The following PTPRK variants were observed in gnomAD, a reference collection of about 807,000 sequenced individuals.
PTPRK encodes protein tyrosine phosphatase receptor type K.
A neutral mutation model predicts 178.0 loss-of-function variants in PTPRK; 75 were observed. That is an observed-to-expected ratio of 0.42 (90% CI 0.35 to 0.51). The LOEUF (loss-of-function observed/expected upper bound fraction) is 0.51, where lower values mean the gene tolerates loss of function less well. PTPRK is among the 20% of genes least tolerant of loss of function. PTPRK has a pLI of 0.02. For missense variants in PTPRK, 1,441 were observed against 1,797.8 expected (o/e 0.80, Z 3.59); for synonymous variants, 637 against 620.6 (o/e 1.03, Z -0.39).
chr6:128,223,902 C>A (rs1025299630), intron 5 of PTPRK, among the ~76,000 whole-genome samples: 1 of 152,118 alleles, frequency 6.6e-6, no homozygotes, highest in Non-Finnish European at 1.5e-5. Flanking sequence ...AGTTCCTATC[C>A]AACAAATTGA....
chr6:128,217,408 A>G (rs1809532156), intron 6 of PTPRK, among the ~76,000 whole-genome samples: 1 of 152,194 alleles, frequency 6.6e-6, no homozygotes, highest in South Asian at 2.1e-4. Flanking sequence ...GGTTGATCGC[A>G]TCATCCAATA....
chr6:127,983,171 G>T, intron 23 of PTPRK, 71 bp downstream of exon 23: 1 of 1,381,368 alleles, frequency 7.2e-7, no homozygotes, highest in South Asian at 1.5e-5. Context: ...GTATATATGA[G>T]AGACATCTAC....
chr6:128,486,904 A>C (rs1853013853), intron 1 of PTPRK, among the ~76,000 whole-genome samples: 1 of 151,904 alleles, frequency 6.6e-6, no homozygotes, highest in African/African-American at 2.4e-5. Context: ...AAAAATATTT[A>C]ATTGACATAG....
At chr6:128,348,934 G>A (rs753280410) in intron 2 of PTPRK, among the ~76,000 whole-genome samples, 1 of 152,056 alleles carries the variant, frequency 6.6e-6, no homozygotes, top group South Asian at 2.1e-4. Flanking sequence ...ATAAGAAAGC[G>A]AATAAAAATC....
intron 1 of PTPRK, among the ~76,000 whole-genome samples, chr6:128,511,965 A>G (rs1375485661): frequency 2.0e-5 from 3 of 152,214 alleles, no homozygotes; most frequent in Non-Finnish European, 4.4e-5. Flanking sequence ...TATTTTTGCA[A>G]TTGCTTTAGG....
intron 1 of PTPRK, among the ~76,000 whole-genome samples, chr6:128,423,559 A>C (rs1001583925): frequency 9.3e-5 from 14 of 150,858 alleles, no homozygotes; most frequent in African/African-American, 3.5e-4. Context: ...GGCCAGGTGC[A>C]GTGGCTCACA....
At chr6:128,495,674 C>G (rs916946037) in intron 1 of PTPRK, among the ~76,000 whole-genome samples, 6 of 152,190 alleles carry the variant, frequency 3.9e-5, no homozygotes, top group African/African-American at 1.4e-4. Flanking sequence ...GTGGCCCCTC[C>G]AAACCCTTTT....
chr6:127,978,666 C>T (rs1363763699), intron 25 of PTPRK, among the ~76,000 whole-genome samples: 1 of 152,184 alleles, frequency 6.6e-6, no homozygotes, highest in Non-Finnish European at 1.5e-5. Flanking sequence ...TAAGTCAAAG[C>T]AGACTGACGG....
chr6:128,481,016 T>C (rs999338961), intron 1 of PTPRK, among the ~76,000 whole-genome samples: 1 of 151,976 alleles, frequency 6.6e-6, no homozygotes, highest in African/African-American at 2.4e-5. Context: ...TTGGTACACA[T>C]ACCATACCCT....
intron 1 of PTPRK, among the ~76,000 whole-genome samples, chr6:128,485,672 G>A (rs1240386426): frequency 1.3e-5 from 2 of 152,144 alleles, no homozygotes; most frequent in East Asian, 1.9e-4. Flanking sequence ...GAGCGATGGA[G>A]TAGCTCTTCT....
chr6:128,063,730 A>AT (rs1271453163), intron 13 of PTPRK, among the ~76,000 whole-genome samples: 1 of 152,138 alleles, frequency 6.6e-6, no homozygotes. Flanking sequence ...GAAAAAGTAT[A>AT]TTTTTTTCTC....
intron 11 of PTPRK, among the ~76,000 whole-genome samples, chr6:128,068,938 A>AGT (rs1395619209): frequency 6.8e-6 from 1 of 148,042 alleles, no homozygotes; most frequent in Non-Finnish European, 1.5e-5. Flanking sequence ...GGTAGAGGGG[A>AGT]GTGGGGAGGA....
intron 2 of PTPRK, among the ~76,000 whole-genome samples, chr6:128,324,980 A>C (rs1196309101): frequency 1.3e-5 from 2 of 152,192 alleles, no homozygotes; most frequent in Non-Finnish European, 1.5e-5. Context: ...TTTATGTTAT[A>C]ATTTAAGCTT....
chr6:128,437,887 T>C lies in PTPRK; in HGVS notation c.101-40199A>G, dbSNP rs116534347. On this transcript the variant is annotated intron_variant, in intron 1 of 29. Transcript: ENST00000368226. Reference sequence around the variant, plus strand: ...GTCGCGATTCCCAGAAGGGCAGGGTTAACAGGACACAGTCATCCCTCGCAT... The same window carrying C: ...GTCGCGATTCCCAGAAGGGCAGGGTCAACAGGACACAGTCATCCCTCGCAT... 7.2e-3 allele frequency among the ~76,000 whole-genome samples: 1,094 copies of C among 152,320 alleles called. 13 individuals are homozygous for C. The highest frequency in any genetic ancestry group is 0.025 in the African/African-American group (1,039 of 41,570).
chr6:128,400,500 A>G (rs1167747477), intron 1 of PTPRK, among the ~76,000 whole-genome samples: 3 of 152,198 alleles, frequency 2.0e-5, no homozygotes, highest in East Asian at 1.9e-4. Context: ...CAGCTGTATT[A>G]AAATCTTTAA....
chr6:128,469,630 G>C (rs1056620816), intron 1 of PTPRK, among the ~76,000 whole-genome samples: 1 of 152,116 alleles, frequency 6.6e-6, no homozygotes, highest in Non-Finnish European at 1.5e-5. Context: ...GCTGAATAAT[G>C]CGCCCCCAAC....
At chr6:128,233,611 A>AC (rs1812691164) in intron 5 of PTPRK, among the ~76,000 whole-genome samples, 2 of 152,232 alleles carry the variant, frequency 1.3e-5, no homozygotes, top group Non-Finnish European at 2.9e-5. Context: ...TTGGCTGAGC[A>AC]ACTAGCTGTA....
chr6:128,199,107 C>T (rs75317020), intron 6 of PTPRK, among the ~76,000 whole-genome samples: 15 of 152,228 alleles, frequency 9.9e-5, no homozygotes, highest in East Asian at 1.9e-4. Flanking sequence ...CTAGCAATTC[C>T]GCTTTCAGGT....
chr6:128,201,905 T>G (rs1360176910), intron 6 of PTPRK, among the ~76,000 whole-genome samples: 1 of 152,056 alleles, frequency 6.6e-6, no homozygotes. Context: ...GGGGTAAATC[T>G]CACAAATCTG....
Sources: allele counts gnomAD v4.1 joint callset (sites outside exome capture counted in the v4.1 genomes callset), GRCh38; gene constraint gnomAD v4.1.1; transcripts MANE v1.5; gene names NCBI Gene and HGNC (gene_info 2026-07-23, HGNC 2026-07-21).